Variants in SPNS3 observed in about 807,000 individuals in gnomAD.
SPNS3 encodes the protein SPNS lysolipid transporter 3, sphingosine-1-phosphate (putative), also known as protein spinster homolog 3.
In SPNS3, 51 loss-of-function variants were observed where a neutral mutation model predicts 54.4. That is an observed-to-expected ratio of 0.94 (90% CI 0.75 to 1.18). The LOEUF (loss-of-function observed/expected upper bound fraction) is 1.18. SPNS3 is among the 50% of genes most tolerant of loss of function. The pLI is 0.00. For missense variants in SPNS3, 669 were observed against 677.4 expected (o/e 0.99, Z 0.14); for synonymous variants, 309 against 294.7 (o/e 1.05, Z -0.50).
intron 9 of SPNS3, chr17:4,481,930 C>T (rs1972163689): frequency 6.6e-6 from 1 of 151,682 alleles, no homozygotes; most frequent in Non-Finnish European, 1.5e-5. Context: ...CGCACTGTCG[C>T]CAGGCTGGAG....
chr17:4,445,521 G>A (rs532315589), intron 3 of SPNS3, among the ~76,000 whole-genome samples: 4 of 152,156 alleles, frequency 2.6e-5, no homozygotes, highest in Admixed American at 1.3e-4. Flanking sequence ...GATACCAGGC[G>A]CGTGCCACCA....
chr17:4,438,085 C>T (rs975449389), intron 1 of SPNS3, among the ~76,000 whole-genome samples: 1 of 152,238 alleles, frequency 6.6e-6, no homozygotes, highest in Non-Finnish European at 1.5e-5. Context: ...CCACGTCCCT[C>T]CCTGAGCAAG....
At chr17:4,481,136 G>A (rs1013531825) in intron 9 of SPNS3, among the ~76,000 whole-genome samples, 1 of 152,060 alleles carries the variant, frequency 6.6e-6, no homozygotes, top group Non-Finnish European at 1.5e-5. Context: ...GGTAGCTGGA[G>A]TTGGCAGAAG....
chr17:4,451,192 C>T (rs948389655), intron 7 of SPNS3, among the ~76,000 whole-genome samples: 13 of 151,924 alleles, frequency 8.6e-5, no homozygotes, highest in Non-Finnish European at 2.9e-5. Context: ...CTGAGCCAGA[C>T]CTCGCACAGC....
At chr17:4,487,167 C>CAAAAAAAAAAAAA (rs35822922) in intron 11 of SPNS3, among the ~76,000 whole-genome samples, 1 of 70,488 alleles carries the variant, frequency 1.4e-5, no homozygotes. Flanking sequence ...AAGACTGTCT[C>CAAAAAAAAAAAAA]AAAAAAAAAA....
chr17:4,464,030 G>A (rs1297441259), intron 8 of SPNS3, among the ~76,000 whole-genome samples: 2 of 152,182 alleles, frequency 1.3e-5, no homozygotes, highest in Non-Finnish European at 2.9e-5. Flanking sequence ...GTGTGGGCAG[G>A]ATGATTTTTG....
intron 8 of SPNS3, among the ~76,000 whole-genome samples, chr17:4,459,466 C>T (rs1426447373): frequency 6.6e-6 from 1 of 152,088 alleles, no homozygotes; most frequent in Non-Finnish European, 1.5e-5. Flanking sequence ...AACCCCAGCA[C>T]TTTGGGAGGC....
intron 1 of SPNS3, among the ~76,000 whole-genome samples, chr17:4,438,489 A>G (rs1970769998): frequency 6.6e-6 from 1 of 152,194 alleles, no homozygotes; most frequent in African/African-American, 2.4e-5. Context: ...TCACGTGAGC[A>G]GGTGCTGCAG....
intron 8 of SPNS3, among the ~76,000 whole-genome samples, chr17:4,454,990 G>A (rs558612970): frequency 1.2e-4 from 18 of 148,516 alleles, no homozygotes; most frequent in African/African-American, 3.8e-4. Flanking sequence ...CTCAGCTCAC[G>A]GTAACCTCCG....
At chr17:4,481,209 A>T (rs1972140795) in intron 9 of SPNS3, among the ~76,000 whole-genome samples, 1 of 150,272 alleles carries the variant, frequency 6.7e-6, no homozygotes, top group South Asian at 2.1e-4. Context: ...GGGAGCAGAG[A>T]GGGGCAAGCA....
At chr17:4,474,400 G>A (rs1408764545) in intron 8 of SPNS3, among the ~76,000 whole-genome samples, 1 of 152,200 alleles carries the variant, frequency 6.6e-6, no homozygotes, top group African/African-American at 2.4e-5. Context: ...TCGTCCGTGA[G>A]GGAGGAGGTT....
chr17:4,459,166 C>T (rs920139085), intron 8 of SPNS3, among the ~76,000 whole-genome samples: 6 of 152,094 alleles, frequency 3.9e-5, no homozygotes, highest in Non-Finnish European at 4.4e-5. Context: ...CCAGTGTTGT[C>T]GTCCTGGGGT....
chr17:4,485,905 C>T (rs557376992), intron 9 of SPNS3, among the ~76,000 whole-genome samples: 1 of 152,316 alleles, frequency 6.6e-6, no homozygotes, highest in South Asian at 2.1e-4. Flanking sequence ...CATCCTGGGC[C>T]CCTGAGCTGG....
At chr17:4,482,666 T>C (rs1194753482) in intron 9 of SPNS3, 2 of 152,132 alleles carry the variant, frequency 1.3e-5, no homozygotes, top group African/African-American at 2.4e-5. Flanking sequence ...CGCTGGGCCA[T>C]AGAGGGGCCC....
intron 2 of SPNS3, among the ~76,000 whole-genome samples, chr17:4,442,017 T>TGTGTGTG (rs10692534): frequency 6.6e-6 from 1 of 150,570 alleles, no homozygotes; most frequent in African/African-American, 2.4e-5. Flanking sequence ...TGTGTGTGTG[T>TGTGTGTG]TTGGCAGTAG....
chr17:4,450,660 A>C (rs1318917466), intron 7 of SPNS3, among the ~76,000 whole-genome samples: 1 of 151,534 alleles, frequency 6.6e-6, no homozygotes, highest in Non-Finnish European at 1.5e-5. Flanking sequence ...GCAGTGGCAC[A>C]ATCTTGGCTG....
intron 9 of SPNS3, among the ~76,000 whole-genome samples, chr17:4,485,743 G>A (rs555796410): frequency 2.6e-5 from 4 of 152,272 alleles, no homozygotes; most frequent in African/African-American, 7.2e-5. Context: ...GGAGTCGTGC[G>A]GGCTTCTCCA....
intron 2 of SPNS3, 31 bp downstream of exon 2, chr17:4,439,754 G>C (rs1430591491): frequency 6.3e-7 from 1 of 1,593,776 alleles, no homozygotes; most frequent in South Asian, 1.1e-5. Context: ...TGGAGCCGGG[G>C]CCCTGGGTTC....
intron 9 of SPNS3, among the ~76,000 whole-genome samples, chr17:4,479,059 C>T (rs554889456): frequency 3.3e-5 from 5 of 152,328 alleles, no homozygotes; most frequent in East Asian, 3.9e-4. Flanking sequence ...TCTTCTGCCT[C>T]AGCCTCCCAA....
Sources: allele counts gnomAD v4.1 joint callset (sites outside exome capture counted in the v4.1 genomes callset), GRCh38; gene constraint gnomAD v4.1.1; transcripts MANE v1.5; gene names NCBI Gene and HGNC (gene_info 2026-07-23, HGNC 2026-07-21).